The following TNIK variants were observed in gnomAD, a reference collection of about 807,000 sequenced individuals.
TNIK encodes TRAF2 and NCK-interacting protein kinase.
In TNIK, 49 loss-of-function variants were observed where a neutral mutation model predicts 191.3. The observed-to-expected ratio is 0.26, with a 90% CI of 0.20 to 0.32. TNIK has a LOEUF of 0.32. TNIK is among the 10% of genes least tolerant of loss of function. The pLI is 1.00. For missense variants in TNIK, 1,155 were observed against 1,702.3 expected (o/e 0.68, Z 5.66); for synonymous variants, 594 against 600.9 (o/e 0.99, Z 0.17).
intron 12 of TNIK, among the ~76,000 whole-genome samples, chr3:171,150,139 C>G (rs1389360954): frequency 1.3e-5 from 2 of 152,160 alleles, no homozygotes; most frequent in African/African-American, 4.8e-5. Context: ...AGCTTCAAGG[C>G]CTCACCCTGG....
chr3:171,406,811 T>C (rs920038711), intron 1 of TNIK, among the ~76,000 whole-genome samples: 3 of 152,222 alleles, frequency 2.0e-5, no homozygotes. Context: ...TGTCCCCATC[T>C]TACAGATGGC....
intron 18 of TNIK, among the ~76,000 whole-genome samples, chr3:171,112,621 T>C (rs560092747): frequency 6.6e-6 from 1 of 152,230 alleles, no homozygotes; most frequent in South Asian, 2.1e-4. Flanking sequence ...ACAGAAACAA[T>C]AGAATGAGAG....
intron 2 of TNIK, among the ~76,000 whole-genome samples, chr3:171,251,601 G>A (rs1159624765): frequency 6.6e-6 from 1 of 152,162 alleles, no homozygotes; most frequent in Non-Finnish European, 1.5e-5. Flanking sequence ...TGTGCACTTA[G>A]TTGGGGCCTA....
intron 4 of TNIK, among the ~76,000 whole-genome samples, chr3:171,199,387 C>T (rs1739135018): frequency 6.6e-6 from 1 of 152,152 alleles, no homozygotes; most frequent in African/African-American, 2.4e-5. Context: ...TCAATAACTT[C>T]ACATCTCACT....
chr3:171,066,223 A>G lies in TNIK; in HGVS notation c.3963T>C (p.Ala1321=). The G allele has an allele frequency of 6.2e-7, 1 of 1,613,886 alleles. No individual in the cohort carries two copies. The highest frequency in any genetic ancestry group is 1.3e-5 in the African/African-American group (1 of 75,046). ...TTTCACATAGAAACTTTAACCTTTG[A>G]GCTCGCTTATGCATAAATACTCCAT... ...HLDGVFMHKR[A]QRLKFLCERN... is the part of the protein sequence containing the mutation. Residue 1321 remains alanine, a synonymous_variant, in exon 32 of 33, where the codon GCT becomes GCC. Coordinates refer to ENST00000436636, the MANE Select transcript of TNIK (RefSeq NM_015028.4).
intron 18 of TNIK, among the ~76,000 whole-genome samples, chr3:171,113,689 G>A (rs997058330): frequency 1.3e-5 from 2 of 150,692 alleles, no homozygotes; most frequent in Admixed American, 1.3e-4. Context: ...ATATATTACT[G>A]TATTTGTCTT....
chr3:171,194,484 G>A, intron 5 of TNIK, 41 bp downstream of exon 5: 1 of 1,556,388 alleles, frequency 6.4e-7, no homozygotes, highest in Non-Finnish European at 8.8e-7. Context: ...TGTGTTGCTT[G>A]AAGACTTTGG....
intron 1 of TNIK, among the ~76,000 whole-genome samples, chr3:171,386,505 C>T (rs1718756603): frequency 6.6e-6 from 1 of 152,146 alleles, no homozygotes; most frequent in African/African-American, 2.4e-5. Flanking sequence ...TCTAGGGTTT[C>T]CAGTTTCCTC....
chr3:171,311,133 CA>C (rs1753970573), intron 2 of TNIK, among the ~76,000 whole-genome samples: 1 of 151,390 alleles, frequency 6.6e-6, no homozygotes, highest in Non-Finnish European at 1.5e-5. Context: ...CACAGTATAG[CA>C]GAGAGAGAGA....
chr3:171,085,080 C>G (rs140220573), intron 25 of TNIK, 38 bp downstream of exon 25: 1 of 1,529,116 alleles, frequency 6.5e-7, no homozygotes, highest in Non-Finnish European at 8.9e-7. Context: ...GAAAGGAAGA[C>G]GAAGCTGTTT....
chr3:171,272,730 G>A (rs548923108), intron 2 of TNIK, among the ~76,000 whole-genome samples: 31 of 151,698 alleles, frequency 2.0e-4, no homozygotes, highest in African/African-American at 6.1e-4. Context: ...GTTACTTATC[G>A]TTTTTCTCAT....
intron 1 of TNIK, among the ~76,000 whole-genome samples, chr3:171,387,136 A>T (rs1718833743): frequency 6.6e-6 from 1 of 152,202 alleles, no homozygotes; most frequent in African/African-American, 2.4e-5. Flanking sequence ...AAAATAATTT[A>T]ATCATTAAGA....
intron 27 of TNIK, among the ~76,000 whole-genome samples, chr3:171,081,870 G>T (rs115437029): frequency 3.6e-3 from 554 of 152,172 alleles, no homozygotes; most frequent in Non-Finnish European, 6.5e-3. Context: ...AAGAGACCAA[G>T]AAATTTCTGC....
At chr3:171,451,767 C>A (rs1394785086) in intron 1 of TNIK, among the ~76,000 whole-genome samples, 1 of 152,182 alleles carries the variant, frequency 6.6e-6, no homozygotes, top group East Asian at 1.9e-4. Context: ...TTGTCTTCAG[C>A]TCAGCCCCAG....
At chr3:171,192,809 G>A (rs967122303) in intron 5 of TNIK, among the ~76,000 whole-genome samples, 8 of 152,120 alleles carry the variant, frequency 5.3e-5, no homozygotes, top group African/African-American at 9.7e-5. Context: ...AGAGATAAAC[G>A]TCAGATGTGA....
chr3:171,194,671 A>T (rs1738474954), intron 4 of TNIK, 36 bp from the exon 5 acceptor site: 3 of 1,586,286 alleles, frequency 1.9e-6, no homozygotes, highest in Non-Finnish European at 2.6e-6. Flanking sequence ...TATTTTAATG[A>T]TGCTTCACTG....
At chr3:171,170,780 G>A (rs574311693) in intron 9 of TNIK, among the ~76,000 whole-genome samples, 4 of 152,310 alleles carry the variant, frequency 2.6e-5, no homozygotes, top group African/African-American at 9.6e-5. Context: ...GCCAGGTGCG[G>A]TAGTTCACAC....
At chr3:171,087,623 G>A (rs1197454150) in intron 23 of TNIK, 117 bp from the exon 24 acceptor site, 2 of 1,088,038 alleles carry the variant, frequency 1.8e-6, no homozygotes, top group African/African-American at 3.2e-5. Flanking sequence ...TAGGGCATGA[G>A]AAGGTGATAT....
chr3:171,307,891 G>A (rs1437137818), intron 2 of TNIK, among the ~76,000 whole-genome samples: 3 of 152,074 alleles, frequency 2.0e-5, no homozygotes, highest in African/African-American at 2.4e-5. Flanking sequence ...CAGAGGCTAT[G>A]TGCCACGAGA....
Sources: gnomAD v4.1 joint callset for allele counts (sites outside exome capture counted in the v4.1 genomes callset) on GRCh38, gnomAD v4.1.1 for gene constraint, MANE v1.5 for transcripts, NCBI Gene and HGNC (gene_info 2026-07-23, HGNC 2026-07-21) for gene names.